The following NBPF11 variants were observed in gnomAD, a reference collection of about 807,000 sequenced individuals.
NBPF11 encodes NBPF member 11.
Under a neutral mutation model 93.9 loss-of-function variants are expected in NBPF11, and 72 were observed. The ratio of observed to expected loss-of-function variants is 0.77; its 90% CI spans 0.63 to 0.93. NBPF11 has a LOEUF of 0.93. Among genes scored for constraint, NBPF11 ranks in the 40% least tolerant of loss-of-function variants. NBPF11 has a pLI of 0.00. For synonymous variants in NBPF11, 224 were observed against 304.9 expected (o/e 0.73, Z 2.76); for missense variants, 705 against 802.2 (o/e 0.88, Z 1.46).
intron 1 of NBPF11, chr1:148,146,941 C>T: frequency 6.3e-7 from 1 of 1,590,496 alleles, no homozygotes; most frequent in Non-Finnish European, 8.5e-7. Flanking sequence ...ACCCTGGGGG[C>T]AGCTCAGCCT....
chr1:148,146,981 G>A (rs1673238566), intron 1 of NBPF11: 3 of 1,485,336 alleles, frequency 2.0e-6, no homozygotes, highest in East Asian at 2.5e-5. Context: ...CCAGGCGGGG[G>A]GCCGGGGGGC....
At chr1:148,140,777 C>T (rs1214192949) in intron 2 of NBPF11, among the ~76,000 whole-genome samples, 5 of 151,696 alleles carry the variant, frequency 3.3e-5, no homozygotes, top group South Asian at 4.2e-4. Flanking sequence ...TCAGGAACAA[C>T]CAGAACTCTC....
chr1:148,149,613 C>T, intron 1 of NBPF11: 4 of 1,555,688 alleles, frequency 2.6e-6, no homozygotes, highest in Non-Finnish European at 3.5e-6. Context: ...GGCCCCCGGA[C>T]CTCACCCCGC....
At chr1:148,121,698 A>G (rs1310985806) in intron 9 of NBPF11, among the ~76,000 whole-genome samples, 26 of 151,904 alleles carry the variant, frequency 1.7e-4, no homozygotes, top group Middle Eastern at 3.2e-3. Context: ...AAGGAGAGAG[A>G]GTCTAGCCTG....
At chr1:148,108,956 G>C (rs1481906328) in intron 17 of NBPF11, among the ~76,000 whole-genome samples, 14 of 151,226 alleles carry the variant, frequency 9.3e-5, no homozygotes, top group Admixed American at 8.6e-4. Context: ...CTCTGTATTT[G>C]TGCTCTCAGG....
At chr1:148,141,531 G>T (rs1263781940) in intron 2 of NBPF11, among the ~76,000 whole-genome samples, 1 of 152,036 alleles carries the variant, frequency 6.6e-6, no homozygotes, top group Admixed American at 6.5e-5. Flanking sequence ...GTGGCATCCT[G>T]TTATTGTTTG....
At chr1:148,109,547 G>A in intron 16 of NBPF11, 1 of 632,746 alleles carries the variant, frequency 1.6e-6, no homozygotes, top group South Asian at 1.8e-5. Context: ...CCCCTGTGTT[G>A]GAATGTTATT....
intron 20 of NBPF11, 87 bp downstream of exon 20, chr1:148,106,855 G>A (rs1663769692): frequency 8.7e-6 from 7 of 804,730 alleles, no homozygotes; most frequent in African/African-American, 1.9e-5. Flanking sequence ...AAGTCTCTCG[G>A]GTCAGTAAGG....
Position 148,104,660 on chromosome 1 carries a change from G to C in NBPF11, c.2473-15C>G. 1 of 524,530 alleles carries C rather than the reference G, an allele frequency of 1.9e-6. No individual in the cohort carries two copies. Among genetic ancestry groups the C allele is most frequent in the Non-Finnish European group, 3.3e-6 (1 of 305,792 alleles). The allele number at this position is 524,530 out of a possible 1,614,324, so 32.5% of individuals were successfully genotyped here. On this transcript the variant is annotated splice_polypyrimidine_tract_variant and intron_variant, in intron 22 of 23. Coordinates refer to ENST00000682118, the MANE Select transcript of NBPF11 (RefSeq NM_001385469.3). Reference sequence around the variant, plus strand: ...CTTTTCAATTTCTGCAATAAATTCAGACATGGACAGACACATTAAGCTGAT... The same window carrying C: ...CTTTTCAATTTCTGCAATAAATTCACACATGGACAGACACATTAAGCTGAT...
At chr1:148,120,430 G>A (rs1425059111) in intron 10 of NBPF11, 71 bp downstream of exon 10, 5 of 795,668 alleles carry the variant, frequency 6.3e-6, no homozygotes, top group Non-Finnish European at 1.2e-5. Flanking sequence ...GATGGAGAGA[G>A]CACTTAGTTT....
chr1:148,118,046 C>T (rs1369304082), intron 11 of NBPF11, among the ~76,000 whole-genome samples: 3 of 151,568 alleles, frequency 2.0e-5, no homozygotes, highest in Non-Finnish European at 4.4e-5. Flanking sequence ...AGGTGTCTTC[C>T]TAATTCCGTT....
chr1:148,150,941 A>G (rs1313450090), intron 1 of NBPF11, among the ~76,000 whole-genome samples: 1 of 151,786 alleles, frequency 6.6e-6, no homozygotes, highest in African/African-American at 2.4e-5. Flanking sequence ...GTTAGCCAGG[A>G]TGGTCTCAAT....
chr1:148,128,601 TAAG>T (rs1442133759), intron 4 of NBPF11, among the ~76,000 whole-genome samples: 1 of 80,168 alleles, frequency 1.2e-5, no homozygotes, highest in Non-Finnish European at 2.4e-5. Context: ...AACAACATAA[TAAG>T]GAGAAGCTTT....
chr1:148,118,499 T>C, intron 11 of NBPF11, 121 bp downstream of exon 11: 1 of 814,302 alleles, frequency 1.2e-6, no homozygotes, highest in Non-Finnish European at 2.1e-6. Context: ...GTAGCAAACC[T>C]GCCATGGCAA....
At chr1:148,132,515 A>G (rs1670573849) in intron 4 of NBPF11, among the ~76,000 whole-genome samples, 1 of 149,952 alleles carries the variant, frequency 6.7e-6, no homozygotes, top group Non-Finnish European at 1.5e-5. Context: ...TCAGCTTGAA[A>G]ATTTCTACCA....
rs75555652 is a variant in NBPF11, at chr1:148,145,921, G to A, written c.-548-2235C>T. Among the ~76,000 whole-genome samples the A allele has an allele frequency of 9.9e-4, 151 of 152,002 alleles. 1 individual carries two copies. Among genetic ancestry groups the A allele is most frequent in the Admixed American group, 9.6e-3 (147 of 15,300 alleles). On this transcript the variant is annotated intron_variant, in intron 1 of 23. Transcript: ENST00000682118. ...AGAGAATCTCCATTCATGAAAAAACGTCATTAAAAGAGTGAAAACACAAGC... is the reference window on the plus strand; with the variant it reads ...AGAGAATCTCCATTCATGAAAAAACATCATTAAAAGAGTGAAAACACAAGC...
At chr1:148,128,995 G>A (rs1669716845) in intron 4 of NBPF11, among the ~76,000 whole-genome samples, 1 of 148,474 alleles carries the variant, frequency 6.7e-6, no homozygotes, top group Non-Finnish European at 1.5e-5. Context: ...ACCAGGGCCT[G>A]TCATGGGGTG....
chr1:148,105,562 G>T (rs1244501786), intron 21 of NBPF11, 34 bp from the exon 22 acceptor site: 1 of 723,386 alleles, frequency 1.4e-6, no homozygotes, highest in Admixed American at 1.9e-5. Flanking sequence ...GAATAAGCCA[G>T]GGGAAATCAC....
chr1:148,117,205 G>A (rs1476341685), intron 12 of NBPF11, among the ~76,000 whole-genome samples: 1 of 151,304 alleles, frequency 6.6e-6, no homozygotes, highest in African/African-American at 2.4e-5. Context: ...TTCACTCACC[G>A]ACAGTTACTA....
Sources: gnomAD v4.1 joint callset for allele counts (sites outside exome capture counted in the v4.1 genomes callset) on GRCh38, gnomAD v4.1.1 for gene constraint, MANE v1.5 for transcripts, NCBI Gene and HGNC (gene_info 2026-07-23, HGNC 2026-07-21) for gene names.